Variants in DYNC1I1 observed in about 807,000 individuals in gnomAD.
The protein encoded by DYNC1I1 is cytoplasmic dynein 1 intermediate chain 1.
In DYNC1I1, 43 loss-of-function variants were observed where a neutral mutation model predicts 86.6. The observed-to-expected ratio is 0.50, with a 90% CI of 0.39 to 0.64. The LOEUF (loss-of-function observed/expected upper bound fraction) is 0.64, where lower values mean the gene tolerates loss of function less well. Among genes scored for constraint, DYNC1I1 ranks in the 30% least tolerant of loss-of-function variants. The probability of loss-of-function intolerance (pLI) is 0.00; values close to 1 mark genes in which losing one functional copy is unlikely to be tolerated. For synonymous variants in DYNC1I1, 262 were observed against 283.7 expected (o/e 0.92, Z 0.77); for missense variants, 604 against 788.8 (o/e 0.77, Z 2.81).
chr7:96,082,991 C>T (rs1465597469), intron 16 of DYNC1I1, among the ~76,000 whole-genome samples: 5 of 152,040 alleles, frequency 3.3e-5, no homozygotes, highest in Non-Finnish European at 5.9e-5. Flanking sequence ...AGGCCAGTCT[C>T]GCCTATTGTC....
intron 4 of DYNC1I1, among the ~76,000 whole-genome samples, chr7:95,827,426 A>G (rs752702694): frequency 1.8e-4 from 27 of 152,224 alleles, no homozygotes; most frequent in Non-Finnish European, 3.2e-4. Flanking sequence ...ACTTTGTGCC[A>G]TTGCTTATGC....
intron 6 of DYNC1I1, among the ~76,000 whole-genome samples, chr7:95,891,557 T>C (rs1198728252): frequency 2.6e-5 from 4 of 152,150 alleles, no homozygotes; most frequent in African/African-American, 9.7e-5. Context: ...GGTTCACAAA[T>C]GTGGGAGAAT....
rs191775864 is a variant in DYNC1I1 at position 95,937,408 on chromosome 7, A to G, written c.491-40104A>G. Among the ~76,000 whole-genome samples, 472 of 152,210 alleles carry G rather than the reference A, an allele frequency of 3.1e-3. 2 individuals carry two copies. Among genetic ancestry groups the G allele is most frequent in the Non-Finnish European group, 4.4e-3 (296 of 67,948 alleles). Reference sequence around the variant, plus strand: ...AGTAATCATTCTGCAATGTAGATGCATATCAAAATGTCACATTGTATACCT... The same window carrying G: ...AGTAATCATTCTGCAATGTAGATGCGTATCAAAATGTCACATTGTATACCT... On this transcript the variant is annotated intron_variant, in intron 6 of 16. Transcript: ENST00000447467.
intron 6 of DYNC1I1, among the ~76,000 whole-genome samples, chr7:95,950,431 T>C (rs1792521667): frequency 6.6e-6 from 1 of 152,180 alleles, no homozygotes; most frequent in Non-Finnish European, 1.5e-5. Context: ...TACTTTGTCC[T>C]CTTTAGACCA....
At chr7:96,095,784 C>A (rs979291158) in intron 16 of DYNC1I1, among the ~76,000 whole-genome samples, 2 of 151,906 alleles carry the variant, frequency 1.3e-5, no homozygotes, top group Non-Finnish European at 2.9e-5. Flanking sequence ...TTGTATTGTA[C>A]ATTTTGGGGG....
chr7:95,849,106 T>TA (rs143180065), intron 5 of DYNC1I1, among the ~76,000 whole-genome samples: 10,764 of 152,210 alleles, frequency 0.071, 462 homozygotes, highest in Non-Finnish European at 0.096. Flanking sequence ...TTGAGTTCCT[T>TA]ATATATTTTG....
intron 6 of DYNC1I1, among the ~76,000 whole-genome samples, chr7:95,975,126 A>G (rs1010551042): frequency 1.3e-5 from 2 of 152,200 alleles, no homozygotes; most frequent in Non-Finnish European, 2.9e-5. Flanking sequence ...TAAATAAATT[A>G]GATTATACAA....
chr7:95,898,945 A>G (rs1790962730), intron 6 of DYNC1I1, among the ~76,000 whole-genome samples: 1 of 152,224 alleles, frequency 6.6e-6, no homozygotes, highest in African/African-American at 2.4e-5. Flanking sequence ...ACCACAACAC[A>G]AAGACGTTTT....
intron 6 of DYNC1I1, among the ~76,000 whole-genome samples, chr7:95,901,582 A>G (rs915996456): frequency 6.6e-6 from 1 of 152,154 alleles, no homozygotes; most frequent in Admixed American, 6.6e-5. Flanking sequence ...TGGCTCTTGA[A>G]CTATTTTCAA....
intron 13 of DYNC1I1, 127 bp downstream of exon 13, chr7:96,035,879 C>A: frequency 7.0e-7 from 1 of 1,435,614 alleles, no homozygotes; most frequent in Non-Finnish European, 9.5e-7. Context: ...ACGACTTCAA[C>A]TCTTCATTAT....
At chr7:95,849,457 A>G (rs1024929201) in intron 5 of DYNC1I1, among the ~76,000 whole-genome samples, 1 of 152,096 alleles carries the variant, frequency 6.6e-6, no homozygotes, top group Non-Finnish European at 1.5e-5. Context: ...TTCCAACACC[A>G]TTTGTTGCAA....
At chr7:95,907,636 A>G (rs1054525794) in intron 6 of DYNC1I1, among the ~76,000 whole-genome samples, 2 of 152,040 alleles carry the variant, frequency 1.3e-5, no homozygotes, top group Non-Finnish European at 2.9e-5. Flanking sequence ...TCTCCTCACA[A>G]ATAGTTCCTA....
At chr7:96,051,607 A>G (rs943269956) in intron 14 of DYNC1I1, among the ~76,000 whole-genome samples, 3 of 152,204 alleles carry the variant, frequency 2.0e-5, no homozygotes, top group African/African-American at 7.2e-5. Context: ...TAATCTTTTA[A>G]CAGTGACTCT....
chr7:95,997,440 A>G (rs759449012), intron 10 of DYNC1I1, among the ~76,000 whole-genome samples: 87 of 152,162 alleles, frequency 5.7e-4, no homozygotes, highest in Non-Finnish European at 1.1e-3. Flanking sequence ...ATAATACATT[A>G]TTATAATCAA....
intron 6 of DYNC1I1, among the ~76,000 whole-genome samples, chr7:95,871,840 C>G (rs1584113141): frequency 6.6e-6 from 1 of 152,168 alleles, no homozygotes; most frequent in Non-Finnish European, 1.5e-5. Context: ...GGCAGAAGTT[C>G]TTTCTGTTTT....
At chr7:95,943,366 A>G (rs1421703844) in intron 6 of DYNC1I1, among the ~76,000 whole-genome samples, 1 of 151,924 alleles carries the variant, frequency 6.6e-6, no homozygotes, top group Non-Finnish European at 1.5e-5. Context: ...GCTCAATGAA[A>G]TAAAAGAGGA....
At chr7:95,859,753 C>T (rs759661776) in intron 5 of DYNC1I1, among the ~76,000 whole-genome samples, 59 of 152,364 alleles carry the variant, frequency 3.9e-4, no homozygotes, top group South Asian at 8.3e-4. Flanking sequence ...CTGGAGGCTA[C>T]AGGATCCTGC....
downstream of DYNC1I1, among the ~76,000 whole-genome samples, chr7:96,099,046 A>AGAT (rs1200004235): frequency 1.3e-5 from 2 of 152,232 alleles, no homozygotes; most frequent in Non-Finnish European, 2.9e-5. Flanking sequence ...AAAATTTTAT[A>AGAT]GATAACAAAT....
In DYNC1I1 at chr7:96,049,457, G is replaced by A. The variant is rs149428567; in HGVS notation, c.1509+10036G>A. On this transcript the variant is annotated intron_variant, in intron 14 of 16. Coordinates refer to ENST00000447467, the MANE Select transcript of DYNC1I1 (RefSeq NM_001135556.2). ...TAGCGGAGACAAAGATATGAGATGG[G>A]TAATTATTGTAGTCCCTTTTGACAA... is the stretch of plus-strand genomic sequence containing the variant. Among the ~76,000 whole-genome samples, 491 of 152,106 alleles carry A rather than the reference G, an allele frequency of 3.2e-3. 2 individuals are homozygous for A. The highest frequency in any genetic ancestry group is 0.011 in the African/African-American group (469 of 41,476).
Sources: allele counts gnomAD v4.1 joint callset (sites outside exome capture counted in the v4.1 genomes callset), GRCh38; gene constraint gnomAD v4.1.1; transcripts MANE v1.5; gene names NCBI Gene and HGNC (gene_info 2026-07-23, HGNC 2026-07-21).